HAUS6: variants seen among roughly 807,000 people sequenced by gnomAD.
HAUS6 encodes HAUS augmin-like complex subunit 6.
In HAUS6, 80 loss-of-function variants were observed where a neutral mutation model predicts 106.8. That is an observed-to-expected ratio of 0.75 (90% CI 0.63 to 0.90). The LOEUF is 0.90. HAUS6 is among the 40% of genes least tolerant of loss of function. The probability of loss-of-function intolerance (pLI) is 0.00; values close to 1 mark genes in which losing one functional copy is unlikely to be tolerated. For missense variants in HAUS6, 1,155 were observed against 1,118.1 expected (o/e 1.03, Z -0.47); for synonymous variants, 356 against 379.1 (o/e 0.94, Z 0.71).
chr9:19,089,773 T>A (rs1588623185), intron 4 of HAUS6: 1 of 534,034 alleles, frequency 1.9e-6, no homozygotes, highest in African/African-American at 1.9e-5. Context: ...ATCACGTAAC[T>A]AACAACTCCC....
intron 1 of HAUS6, among the ~76,000 whole-genome samples, chr9:19,098,666 C>T (rs1320937542): frequency 6.6e-6 from 1 of 152,052 alleles, no homozygotes; most frequent in Non-Finnish European, 1.5e-5. Context: ...TTTTTCCAAA[C>T]TGCAAACCTT....
At chr9:19,088,821 T>A (rs1817686063) in intron 5 of HAUS6, among the ~76,000 whole-genome samples, 1 of 146,788 alleles carries the variant, frequency 6.8e-6, no homozygotes, top group East Asian at 1.9e-4. Context: ...GAGGTTGCAG[T>A]GAGCCAAGAT....
chr9:19,080,892 G>A (rs1187684848), intron 8 of HAUS6, among the ~76,000 whole-genome samples: 1 of 152,088 alleles, frequency 6.6e-6, no homozygotes, highest in African/African-American at 2.4e-5. Flanking sequence ...GACCAACATG[G>A]AGAAACCCTG....
intron 5 of HAUS6, among the ~76,000 whole-genome samples, chr9:19,088,810 G>A (rs1817685774): frequency 6.8e-6 from 1 of 147,448 alleles, no homozygotes; most frequent in Admixed American, 6.6e-5. Flanking sequence ...CCCAGAAGGT[G>A]GAGGTTGCAG....
chr9:19,093,315 A>C lies in HAUS6; in HGVS notation c.304-12T>G. 1.3e-6 allele frequency: 2 copies of C among 1,589,268 alleles called. No homozygotes were observed. Among genetic ancestry groups the C allele is most frequent in the Non-Finnish European group, 1.7e-6 (2 of 1,168,148 alleles). On this transcript the variant is annotated splice_polypyrimidine_tract_variant and intron_variant, in intron 3 of 16. Transcript: ENST00000380502. ...CTTCCACATTCACCCTATGAAGAAA[A>C]GAAATAAGATGATTTGAAGACCTTG...
intron 12 of HAUS6, among the ~76,000 whole-genome samples, chr9:19,066,578 C>A (rs1258761869): frequency 6.6e-6 from 1 of 151,454 alleles, no homozygotes; most frequent in Non-Finnish European, 1.5e-5. Flanking sequence ...GGAACTCCCC[C>A]CCACACACAC....
intron 3 of HAUS6, among the ~76,000 whole-genome samples, chr9:19,094,110 T>G (rs1159202326): frequency 6.6e-6 from 1 of 152,214 alleles, no homozygotes; most frequent in African/African-American, 2.4e-5. Context: ...AAGCCTATTT[T>G]CAGTACACCT....
chr9:19,078,662 C>T (rs1374065231), intron 9 of HAUS6, among the ~76,000 whole-genome samples: 1 of 151,328 alleles, frequency 6.6e-6, no homozygotes, highest in Non-Finnish European at 1.5e-5. Context: ...GGGGTGGGTG[C>T]CTGTAATTTC....
In HAUS6 at chr9:19,089,547, T is replaced by C. The variant is rs755574064; in HGVS notation, c.449A>G (p.His150Arg). 7.5e-6 allele frequency: 12 copies of C among 1,609,608 alleles called. No individual in the cohort carries two copies. The East Asian group carries it at 2.0e-4, about 27-fold the overall frequency. The change falls in exon 5 of 17, where the codon CAT (histidine) becomes CGT (arginine). Residue 150 changes from histidine (H) to arginine (R), a missense_variant. This residue lies in a region of HAUS6 where 761 missense variants were observed against 690.0 expected (regional missense o/e 1.10). Transcript: ENST00000380502. The part of the protein sequence containing the change: ...IKSNSKNSSH[H>R]FVETFNIKPQ... Reference sequence around the variant, plus strand: ...TTTTATGTTAAATGTCTCTACAAAATGATGAGAAGAATCTACACAGAACAC... The same window carrying C: ...TTTTATGTTAAATGTCTCTACAAAACGATGAGAAGAATCTACACAGAACAC...
intron 8 of HAUS6, among the ~76,000 whole-genome samples, chr9:19,082,376 C>T (rs1837170111): frequency 6.6e-6 from 1 of 152,086 alleles, no homozygotes; most frequent in Non-Finnish European, 1.5e-5. Context: ...AGGTAAGGGG[C>T]AATTAATAAA....
chr9:19,086,269 C>T (rs762961163), intron 7 of HAUS6, among the ~76,000 whole-genome samples: 3 of 151,602 alleles, frequency 2.0e-5, no homozygotes, highest in Non-Finnish European at 4.4e-5. Context: ...TGAGACCACG[C>T]CACTGCACTC....
At chr9:19,057,753 CCT>C (rs773829002) in intron 16 of HAUS6, 9 of 420,080 alleles carry the variant, frequency 2.1e-5, no homozygotes, top group Middle Eastern at 6.0e-4. Context: ...TTTTCCCACC[CCT>C]GTCTCAAATC....
chr9:19,083,538 C>G (rs551841921), intron 7 of HAUS6, among the ~76,000 whole-genome samples: 141 of 152,150 alleles, frequency 9.3e-4, no homozygotes, highest in African/African-American at 3.2e-3. Context: ...CGCAGTGGCT[C>G]ACGTCTGTAA....
At chr9:19,092,695 G>A (rs1817779305) in intron 4 of HAUS6, among the ~76,000 whole-genome samples, 1 of 150,076 alleles carries the variant, frequency 6.7e-6, no homozygotes, top group Non-Finnish European at 1.5e-5. Flanking sequence ...AGGCCCAGGT[G>A]GGCAGATAAT....
intron 8 of HAUS6, among the ~76,000 whole-genome samples, chr9:19,081,123 AAC>A (rs1023117099): frequency 5.4e-4 from 82 of 152,306 alleles, no homozygotes; most frequent in African/African-American, 1.9e-3. Flanking sequence ...AATACCCCCA[AAC>A]ATAAAATGAC....
intron 8 of HAUS6, 111 bp downstream of exon 8, chr9:19,082,754 AAAAAAAAC>A (rs1837186973): frequency 1.4e-4 from 83 of 585,492 alleles, no homozygotes; most frequent in Middle Eastern, 5.0e-4. Flanking sequence ...TCTGTCTCAA[AAAAAAAAC>A]AAAAAACAAA....
chr9:19,053,673 T>C lies in HAUS6; in HGVS notation c.*2670A>G, dbSNP rs2131088347. The C allele has an allele frequency of 6.6e-6, 1 of 152,344 alleles. No individual in the cohort carries two copies. The highest frequency in any genetic ancestry group is 1.9e-4 in the East Asian group (1 of 5,194). The allele number at this position is 152,344 out of a possible 1,614,324, so 9.4% of individuals were successfully genotyped here. On this transcript the variant is annotated 3_prime_UTR_variant, in exon 17 of 17. Coordinates refer to ENST00000380502, the MANE Select transcript of HAUS6 (RefSeq NM_017645.5). Reference sequence around the variant, plus strand: ...GTATGTCAGTTTATATACCTTTGTATCTTACAAATAGTAAAACAAAGTACA... The same window carrying C: ...GTATGTCAGTTTATATACCTTTGTACCTTACAAATAGTAAAACAAAGTACA...
At chr9:19,094,262 T>TA (rs1817814653) in intron 3 of HAUS6, 55 bp downstream of exon 3, 1 of 1,010,830 alleles carries the variant, frequency 9.9e-7, no homozygotes, top group East Asian at 2.4e-5. Context: ...GTTAAAGAGT[T>TA]AAAGTAGTTT....
intron 7 of HAUS6, among the ~76,000 whole-genome samples, chr9:19,084,421 C>T (rs767427543): frequency 1.3e-5 from 2 of 152,062 alleles, no homozygotes. Context: ...CATCCTATTC[C>T]TTAAATGATG....
Sources: gnomAD v4.1 joint callset for allele counts (sites outside exome capture counted in the v4.1 genomes callset) on GRCh38, gnomAD v4.1.1 for gene constraint, gnomAD v4.1.1 regional missense constraint, MANE v1.5 for transcripts, NCBI Gene and HGNC (gene_info 2026-07-23, HGNC 2026-07-21) for gene names.